The following SCCPDH variants were observed in gnomAD, a reference collection of about 807,000 sequenced individuals.
SCCPDH encodes the protein saccharopine dehydrogenase-like oxidoreductase.
SCCPDH carries 34 observed loss-of-function variants against 51.5 expected under a neutral mutation model. The ratio of observed to expected loss-of-function variants is 0.66; its 90% CI spans 0.50 to 0.88. The LOEUF is 0.88. SCCPDH is among the 40% of genes least tolerant of loss of function. SCCPDH has a pLI of 0.00. For missense variants in SCCPDH, 464 were observed against 527.1 expected, an observed-to-expected ratio of 0.88 and a Z score of 1.17; for synonymous variants, 187 against 191.3, an observed-to-expected ratio of 0.98 and a Z score of 0.19.
intron 10 of SCCPDH, among the ~76,000 whole-genome samples, chr1:246,764,772 GA>G (rs1669065482): frequency 6.6e-6 from 1 of 152,260 alleles, no homozygotes; most frequent in Non-Finnish European, 1.5e-5. Context: ...CTTTTCAAGG[GA>G]AGGGAATGGC....
chr1:246,724,665 G>T, intron 1 of SCCPDH, 53 bp downstream of exon 1: 2 of 1,390,814 alleles, frequency 1.4e-6, no homozygotes, highest in Non-Finnish European at 1.9e-6. Flanking sequence ...CGGGGACCCC[G>T]CATCGCCCCA....
At chr1:246,754,710 A>C (rs546510363) in intron 5 of SCCPDH, among the ~76,000 whole-genome samples, 1 of 152,278 alleles carries the variant, frequency 6.6e-6, no homozygotes, top group East Asian at 1.9e-4. Context: ...CGTTTCACCT[A>C]GGTTATCTAA....
At chr1:246,747,619 C>A (rs910355074) in intron 5 of SCCPDH, among the ~76,000 whole-genome samples, 1 of 152,190 alleles carries the variant, frequency 6.6e-6, no homozygotes, top group Non-Finnish European at 1.5e-5. Context: ...TGAGAGCACA[C>A]CTGAACAAGG....
intron 3 of SCCPDH, among the ~76,000 whole-genome samples, chr1:246,736,266 C>G (rs1267898662): frequency 6.6e-6 from 1 of 152,172 alleles, no homozygotes; most frequent in African/African-American, 2.4e-5. Context: ...TTTTTTCCCT[C>G]CCTACAACAT....
At chr1:246,731,825 TTTACA>T (rs1668495255) in intron 2 of SCCPDH, among the ~76,000 whole-genome samples, 1 of 152,148 alleles carries the variant, frequency 6.6e-6, no homozygotes, top group South Asian at 2.1e-4. Context: ...CAACCCGTCA[TTTACA>T]TTAGGTATTT....
chr1:246,753,095 C>G (rs1668879149), intron 5 of SCCPDH, among the ~76,000 whole-genome samples: 1 of 150,760 alleles, frequency 6.6e-6, no homozygotes, highest in Admixed American at 6.6e-5. Flanking sequence ...CCTTCTGTTC[C>G]CTGTCAGTCT....
At chr1:246,759,301 GA>G in intron 7 of SCCPDH, 150 bp downstream of exon 7, 1 of 588,016 alleles carries the variant, frequency 1.7e-6, no homozygotes, top group South Asian at 2.2e-5. Flanking sequence ...CATTAGGGTA[GA>G]ACATTTTGTA....
intron 9 of SCCPDH, among the ~76,000 whole-genome samples, chr1:246,762,725 C>T (rs1015314253): frequency 6.6e-6 from 1 of 151,632 alleles, no homozygotes; most frequent in Non-Finnish European, 1.5e-5. Flanking sequence ...CCTGTAGTCC[C>T]AGCTACTCAG....
intron 5 of SCCPDH, among the ~76,000 whole-genome samples, chr1:246,754,039 A>T (rs554969215): frequency 6.6e-6 from 1 of 151,994 alleles, no homozygotes; most frequent in Admixed American, 6.5e-5. Flanking sequence ...TATTTCCCAT[A>T]TTGGGTCCTG....
chr1:246,733,125 TGCCCAG>T (rs1397142867), intron 2 of SCCPDH, among the ~76,000 whole-genome samples: 1 of 152,180 alleles, frequency 6.6e-6, no homozygotes, highest in Non-Finnish European at 1.5e-5. Context: ...CTCACTTTGT[TGCCCAG>T]GCTGGAGTAG....
At chr1:246,762,402 G>A (rs921351021) in intron 9 of SCCPDH, among the ~76,000 whole-genome samples, 3 of 152,130 alleles carry the variant, frequency 2.0e-5, no homozygotes, top group African/African-American at 7.2e-5. Flanking sequence ...ACTTTTCGTA[G>A]CATTCCTACG....
intron 4 of SCCPDH, among the ~76,000 whole-genome samples, chr1:246,740,702 C>A (rs1668663000): frequency 6.6e-6 from 1 of 152,126 alleles, no homozygotes; most frequent in Non-Finnish European, 1.5e-5. Context: ...GAATTGGAGA[C>A]ACTTATTTAA....
chr1:246,744,243 T>G, intron 5 of SCCPDH, 118 bp downstream of exon 5: 1 of 474,554 alleles, frequency 2.1e-6, no homozygotes, highest in Non-Finnish European at 3.8e-6. Flanking sequence ...CCATGTTTAA[T>G]TTTTAAAAAG....
intron 3 of SCCPDH, among the ~76,000 whole-genome samples, chr1:246,739,065 G>A (rs191891451): frequency 2.0e-4 from 30 of 152,088 alleles, no homozygotes; most frequent in Middle Eastern, 3.4e-3. Context: ...GATTGTGTTC[G>A]TGTGTGTTTG....
At chr1:246,759,389 T>TA (rs1429251890) in intron 7 of SCCPDH, among the ~76,000 whole-genome samples, 1 of 152,196 alleles carries the variant, frequency 6.6e-6, no homozygotes, top group Non-Finnish European at 1.5e-5. Context: ...GCAAATTCAA[T>TA]ACGGGAAATC....
At chr1:246,734,242 A>G (rs926097551) in intron 2 of SCCPDH, among the ~76,000 whole-genome samples, 4 of 152,192 alleles carry the variant, frequency 2.6e-5, no homozygotes, top group Non-Finnish European at 5.9e-5. Context: ...TGAGTTTTAA[A>G]ATGGATGTGT....
chr1:246,734,671 T>C (rs770011131), intron 2 of SCCPDH, among the ~76,000 whole-genome samples: 2 of 152,192 alleles, frequency 1.3e-5, no homozygotes, highest in South Asian at 4.1e-4. Flanking sequence ...TAAAGGTCGA[T>C]TGTGTCTTTT....
intron 9 of SCCPDH, among the ~76,000 whole-genome samples, chr1:246,761,187 C>A (rs556038047): frequency 6.6e-6 from 1 of 152,160 alleles, no homozygotes. Flanking sequence ...GCTAATCCCC[C>A]GCCTGTGCAC....
At chr1:246,758,964 T>A in intron 6 of SCCPDH, 70 bp from the exon 7 acceptor site, 1 of 900,400 alleles carries the variant, frequency 1.1e-6, no homozygotes, top group Admixed American at 1.7e-5. Context: ...ACTGATTTGC[T>A]TATTCAGACA....
Sources: allele counts gnomAD v4.1 joint callset (sites outside exome capture counted in the v4.1 genomes callset), GRCh38; gene constraint gnomAD v4.1.1; transcripts MANE v1.5; gene names NCBI Gene and HGNC (gene_info 2026-07-23, HGNC 2026-07-21).